KAT2B: variants seen among roughly 807,000 people sequenced by gnomAD.
The protein encoded by KAT2B is histone acetyltransferase KAT2B.
Under a neutral mutation model 105.9 loss-of-function variants are expected in KAT2B, and 36 were observed. That is an observed-to-expected ratio of 0.34 (90% confidence interval 0.26 to 0.45). The LOEUF is 0.45. Ranked by LOEUF, KAT2B falls within the 20% of genes least tolerant of loss-of-function variation. The pLI is 1.00. For missense variants in KAT2B, 820 were observed against 1,021.6 expected, an observed-to-expected ratio of 0.80 and a Z score of 2.69; for synonymous variants, 397 against 377.9, an observed-to-expected ratio of 1.05 and a Z score of -0.59.
rs544923187 is a variant in KAT2B, at chr3:20,123,596, G to A, written c.1413+792G>A. On this transcript the variant is annotated intron_variant, in intron 9 of 17. Coordinates refer to ENST00000263754, the MANE Select transcript of KAT2B (RefSeq NM_003884.5). The stretch of plus-strand genomic sequence containing the variant: ...CTGACCTCTGGCCTAATATAAAACC[G>A]TATTTAAATTTCCCATATAGCCAGA... Among the ~76,000 whole-genome samples the A allele has an allele frequency of 5.3e-5, 8 of 152,258 alleles. No homozygotes were observed. In the South Asian group the frequency reaches 1.2e-3, roughly 24 times the overall value.
intron 11 of KAT2B, among the ~76,000 whole-genome samples, chr3:20,128,645 C>T (rs778821928): frequency 1.3e-5 from 2 of 152,106 alleles, no homozygotes; most frequent in Non-Finnish European, 2.9e-5. Flanking sequence ...AAAGAGCTCT[C>T]ATCTATACCT....
In KAT2B at chr3:20,122,711, C is replaced by T. The variant is rs780458718; in HGVS notation, c.1320C>T (p.Ala440=). 1.9e-6 allele frequency: 3 copies of T among 1,613,926 alleles called. No homozygotes were observed. Among genetic ancestry groups the T allele is most frequent in the Non-Finnish European group, 2.5e-6 (3 of 1,179,902 alleles). ...KMTDSHVLEE[A]KKPRVMGDIP... Reference sequence around the variant, plus strand: ...CTGATTCTCATGTTCTGGAGGAGGCCAAGAAACCCCGAGTTATGGGGGATA... The same window carrying T: ...CTGATTCTCATGTTCTGGAGGAGGCTAAGAAACCCCGAGTTATGGGGGATA... The change falls in exon 9 of 18, where the codon GCC becomes GCT. Residue 440 remains alanine, a synonymous_variant. Coordinates refer to ENST00000263754, the MANE Select transcript of KAT2B (RefSeq NM_003884.5).
intron 2 of KAT2B, among the ~76,000 whole-genome samples, chr3:20,073,620 C>G (rs1698365287): frequency 6.6e-6 from 1 of 152,184 alleles, no homozygotes; most frequent in Non-Finnish European, 1.5e-5. Context: ...TAATTGGTAT[C>G]TCAAACAATG....
intron 2 of KAT2B, among the ~76,000 whole-genome samples, chr3:20,078,185 T>G (rs1406105835): frequency 6.6e-6 from 1 of 151,242 alleles, no homozygotes; most frequent in African/African-American, 2.4e-5. Context: ...GTCTCAAAAA[T>G]AAATAAATAA....
At chr3:20,129,391 T>G (rs1699468693) in intron 11 of KAT2B, among the ~76,000 whole-genome samples, 1 of 151,458 alleles carries the variant, frequency 6.6e-6, no homozygotes. Context: ...TTTTTTTTTT[T>G]TGAGACAGGT....
chr3:20,047,560 G>A (rs1204850777), intron 1 of KAT2B, among the ~76,000 whole-genome samples: 2 of 148,706 alleles, frequency 1.3e-5, no homozygotes, highest in Non-Finnish European at 3.0e-5. Context: ...ACAACCCAGT[G>A]TTATGACTTC....
rs1459549329 is a variant in KAT2B at position 20,118,744 on chromosome 3, AAAAG to A, written c.1151-852_1151-849del. 2.8e-3 allele frequency among the ~76,000 whole-genome samples: 399 copies of A among 143,084 alleles called. 2 individuals carry two copies. Among genetic ancestry groups the A allele is most frequent in the African/African-American group, 9.1e-3 (349 of 38,206 alleles). The allele number at this position is 143,084 out of a possible 152,430, so 93.9% of individuals were successfully genotyped here. On this transcript the variant is annotated intron_variant, in intron 7 of 17. Coordinates refer to ENST00000263754, the MANE Select transcript of KAT2B (RefSeq NM_003884.5). The stretch of plus-strand genomic sequence containing the variant: ...TTTGTCTCAAAAAAAAAAAAAAAAA[AAAAG>A]AGAGAGAGCGAACTATATATATAAT...
At chr3:20,113,073 A>G (rs778087139) in intron 6 of KAT2B, among the ~76,000 whole-genome samples, 1 of 152,210 alleles carries the variant, frequency 6.6e-6, no homozygotes, top group South Asian at 2.1e-4. Context: ...CCAGTACATG[A>G]GACTAAGTCA....
Position 20,111,653 on chromosome 3 carries a change from C to G in KAT2B, c.909C>G (p.Thr303=), listed in dbSNP as rs758527261. Residue 303 remains threonine (T), a synonymous_variant, in exon 6 of 18, where the codon ACC becomes ACG. Coordinates refer to ENST00000263754, the MANE Select transcript of KAT2B (RefSeq NM_003884.5). ...GCGACAGTCTACCTCGGTACGAAAC[C>G]ACACAGGTGTTTGGGAGAACATTGC... ...QFCDSLPRYE[T]TQVFGRTLLR... The G allele has an allele frequency of 2.5e-6, 4 of 1,614,010 alleles. No homozygotes were observed. The South Asian group carries it at 4.4e-5, about 18-fold the overall frequency.
In KAT2B at chr3:20,148,415, G is replaced by A; in HGVS notation, c.2233G>A (p.Ala745Thr). 1.2e-6 allele frequency: 2 copies of A among 1,610,896 alleles called. No individual in the cohort carries two copies. The highest frequency in any genetic ancestry group is 8.5e-7 in the Non-Finnish European group (1 of 1,179,016). ...ILQQVKSHQS[A>T]WPFMEPVKRT... is the part of the protein sequence containing the mutation. Reference sequence around the variant, plus strand: ...TTCTTTACCCAAGAGCCATCAAAGCGCTTGGCCCTTCATGGAACCTGTGAA... The same window carrying A: ...TTCTTTACCCAAGAGCCATCAAAGCACTTGGCCCTTCATGGAACCTGTGAA... Residue 745 changes from alanine (A) to threonine (T), a missense_variant, in exon 17 of 18, where the codon GCT becomes ACT. Coordinates refer to ENST00000263754, the MANE Select transcript of KAT2B (RefSeq NM_003884.5).
intron 8 of KAT2B, 95 bp downstream of exon 8, chr3:20,119,818 A>T (rs1338969743): frequency 1.1e-5 from 15 of 1,335,034 alleles, no homozygotes; most frequent in Non-Finnish European, 2.1e-6. Context: ...CCAAGTACAG[A>T]TTGTGCATGT....
At chr3:20,063,823 G>GA (rs1698181089) in intron 1 of KAT2B, among the ~76,000 whole-genome samples, 1 of 152,064 alleles carries the variant, frequency 6.6e-6, no homozygotes, top group African/African-American at 2.4e-5. Flanking sequence ...TTACAGACGT[G>GA]AGCCACCACG....
chr3:20,106,773 T>G (rs1219542760), intron 5 of KAT2B, among the ~76,000 whole-genome samples: 1 of 151,282 alleles, frequency 6.6e-6, no homozygotes, highest in African/African-American at 2.4e-5. Flanking sequence ...TCAGAAATAA[T>G]GTCAGTCTTA....
intron 1 of KAT2B, among the ~76,000 whole-genome samples, chr3:20,055,425 G>T (rs761597101): frequency 6.6e-6 from 1 of 152,110 alleles, no homozygotes; most frequent in Non-Finnish European, 1.5e-5. Flanking sequence ...TAAGTGCCTC[G>T]CAGAGAATGA....
intron 1 of KAT2B, among the ~76,000 whole-genome samples, chr3:20,046,595 A>T (rs1559509064): frequency 2.0e-5 from 3 of 152,182 alleles, no homozygotes; most frequent in East Asian, 3.8e-4. Context: ...ATAATCTAGA[A>T]GTAGCACTGG....
At chr3:20,052,021 T>G (rs1697923775) in intron 1 of KAT2B, among the ~76,000 whole-genome samples, 1 of 152,226 alleles carries the variant, frequency 6.6e-6, no homozygotes, top group Admixed American at 6.5e-5. Context: ...TGAAATGGAA[T>G]CAAGTCTTTT....
chr3:20,141,124 T>C (rs934203085), intron 13 of KAT2B, among the ~76,000 whole-genome samples: 2 of 152,222 alleles, frequency 1.3e-5, no homozygotes, highest in African/African-American at 4.8e-5. Flanking sequence ...CTTCTGAACT[T>C]CTCTAGCACC....
chr3:20,101,430 C>T lies in KAT2B; in HGVS notation c.813C>T (p.Pro271=). Reference sequence around the variant, plus strand: ...CATCTCAACGAAGACTGCGATCTCCCAATGATGATATTTCTGGATACAAAG... The same window carrying T: ...CATCTCAACGAAGACTGCGATCTCCTAATGATGATATTTCTGGATACAAAG... The part of the protein sequence containing the change: ...EAPSQRRLRS[P]NDDISGYKEN... Residue 271 remains proline (P), a synonymous_variant, in exon 5 of 18, where the codon CCC becomes CCT. Transcript: ENST00000263754. 6.2e-7 allele frequency: 1 copy of T among 1,614,002 alleles called. No homozygotes were observed. The highest frequency in any genetic ancestry group is 8.5e-7 in the Non-Finnish European group (1 of 1,179,890).
At chr3:20,065,518 A>G (rs952518215) in intron 1 of KAT2B, among the ~76,000 whole-genome samples, 4 of 152,234 alleles carry the variant, frequency 2.6e-5, no homozygotes, top group African/African-American at 9.6e-5. Context: ...GCAGCAGCTC[A>G]GAAAACTTGG....
Sources: allele counts gnomAD v4.1 joint callset (sites outside exome capture counted in the v4.1 genomes callset), GRCh38; gene constraint gnomAD v4.1.1; transcripts MANE v1.5; gene names NCBI Gene and HGNC (gene_info 2026-07-23, HGNC 2026-07-21).